Variants in MIS18A observed in about 807,000 individuals in gnomAD.
The protein encoded by MIS18A is protein Mis18-alpha.
A neutral mutation model predicts 25.0 loss-of-function variants in MIS18A; 14 were observed. The ratio of observed to expected loss-of-function variants is 0.56; its 90% CI spans 0.37 to 0.88. The LOEUF (loss-of-function observed/expected upper bound fraction) is 0.88, where lower values mean the gene tolerates loss of function less well. Ranked by LOEUF, MIS18A falls within the 40% of genes least tolerant of loss-of-function variation. The probability of loss-of-function intolerance (pLI) is 0.00; values close to 1 mark genes in which losing one functional copy is unlikely to be tolerated. For missense variants in MIS18A, 292 were observed against 290.8 expected (o/e 1.00, Z -0.03); for synonymous variants, 134 against 118.6 (o/e 1.13, Z -0.84).
chr21:32,180,055 G>T, the MIS18A span, among the ~76,000 whole-genome samples: 1,843 of 152,314 alleles, frequency 0.012, 105 homozygotes, highest in Admixed American at 0.088. Context: ...GTGTTTCAAA[G>T]AAACCCAGAA....
At chr21:32,205,413 C>T in the MIS18A span, among the ~76,000 whole-genome samples, 2 of 152,058 alleles carry the variant, frequency 1.3e-5, no homozygotes, top group Admixed American at 6.6e-5. Context: ...TCTCATTCTC[C>T]CTGCTCCCTC....
the MIS18A span, among the ~76,000 whole-genome samples, chr21:32,201,795 CAG>C: frequency 8.6e-5 from 13 of 151,988 alleles, no homozygotes; most frequent in African/African-American, 3.1e-4. Context: ...GCCTGGGTGA[CAG>C]AGCGAGACCC....
the MIS18A span, among the ~76,000 whole-genome samples, chr21:32,246,154 C>A: frequency 6.6e-6 from 1 of 152,074 alleles, no homozygotes; most frequent in African/African-American, 2.4e-5. Flanking sequence ...ATGAGAAATC[C>A]GCCCCATCAT....
At chr21:32,178,967 C>G in the MIS18A span, among the ~76,000 whole-genome samples, 3 of 152,100 alleles carry the variant, frequency 2.0e-5, no homozygotes, top group Non-Finnish European at 4.4e-5. Flanking sequence ...TGCTGTTTAA[C>G]CCAACCATTT....
the MIS18A span, among the ~76,000 whole-genome samples, chr21:32,215,534 C>T: frequency 1.3e-3 from 194 of 152,216 alleles, no homozygotes; most frequent in African/African-American, 4.2e-3. Flanking sequence ...AAGCCAGGGA[C>T]GGTCAGGATA....
At chr21:32,236,653 G>A in the MIS18A span, among the ~76,000 whole-genome samples, 1 of 152,120 alleles carries the variant, frequency 6.6e-6, no homozygotes, top group Non-Finnish European at 1.5e-5. Context: ...ACTTCAGCCA[G>A]CAGCAAGTGG....
At chr21:32,242,930 A>T in the MIS18A span, among the ~76,000 whole-genome samples, 1,677 of 152,346 alleles carry the variant, frequency 0.011, 25 homozygotes, top group African/African-American at 0.037. Context: ...TACTGGCAGA[A>T]CAAAAGAGAG....
the MIS18A span, among the ~76,000 whole-genome samples, chr21:32,159,575 A>C: frequency 2.0e-5 from 3 of 152,260 alleles, no homozygotes; most frequent in Admixed American, 2.0e-4. Context: ...TTGTGAGCCA[A>C]ATATGAATGA....
chr21:32,227,764 A>G, the MIS18A span, among the ~76,000 whole-genome samples: 1 of 152,218 alleles, frequency 6.6e-6, no homozygotes, highest in Non-Finnish European at 1.5e-5. Context: ...AAAATTACAT[A>G]CTAATATTTA....
At chr21:32,214,009 G>A in the MIS18A span, among the ~76,000 whole-genome samples, 1 of 152,150 alleles carries the variant, frequency 6.6e-6, no homozygotes, top group Non-Finnish European at 1.5e-5. Context: ...GGGGGTATGG[G>A]AGGAAACACT....
the MIS18A span, among the ~76,000 whole-genome samples, chr21:32,223,366 A>G: frequency 6.6e-6 from 1 of 152,190 alleles, no homozygotes; most frequent in Non-Finnish European, 1.5e-5. Context: ...GATTAACAAA[A>G]TAGATGGAAC....
the MIS18A span, among the ~76,000 whole-genome samples, chr21:32,190,493 C>T: frequency 6.6e-6 from 1 of 152,226 alleles, no homozygotes. Context: ...CAAAATTTCA[C>T]AGACCATTGC....
At chr21:32,252,838 T>A in the MIS18A span, among the ~76,000 whole-genome samples, 1 of 152,216 alleles carries the variant, frequency 6.6e-6, no homozygotes, top group Non-Finnish European at 1.5e-5. Context: ...CGATTTTGTT[T>A]AGGGATCCCA....
chr21:32,179,707 C>T, the MIS18A span, among the ~76,000 whole-genome samples: 12 of 152,154 alleles, frequency 7.9e-5, no homozygotes, highest in Non-Finnish European at 1.6e-4. Context: ...AAAGGAAATA[C>T]AAGCTTAAGG....
At chr21:32,158,517 C>A in the MIS18A span, among the ~76,000 whole-genome samples, 236 of 151,260 alleles carry the variant, frequency 1.6e-3, 4 homozygotes, top group Admixed American at 0.013. Flanking sequence ...TCCTGTTGCC[C>A]AGGCTGGCGT....
At chr21:32,182,172 G>A in the MIS18A span, among the ~76,000 whole-genome samples, 3 of 152,168 alleles carry the variant, frequency 2.0e-5, no homozygotes, top group Non-Finnish European at 4.4e-5. Flanking sequence ...AATTCTGATT[G>A]ATAGTGGTTG....
chr21:32,167,069 T>G, the MIS18A span, among the ~76,000 whole-genome samples: 1 of 152,118 alleles, frequency 6.6e-6, no homozygotes, highest in Non-Finnish European at 1.5e-5. Flanking sequence ...GAAAAAAAAT[T>G]TAAAGAAATT....
chr21:32,160,922 C>T, the MIS18A span, among the ~76,000 whole-genome samples: 16 of 152,150 alleles, frequency 1.1e-4, no homozygotes, highest in Non-Finnish European at 1.6e-4. Flanking sequence ...TGAGCCCCTG[C>T]GCCCGGCCAG....
At chr21:32,255,210 C>T in the MIS18A span, among the ~76,000 whole-genome samples, 863 of 151,456 alleles carry the variant, frequency 5.7e-3, 14 homozygotes, top group South Asian at 0.017. Context: ...AATTTTTCTA[C>T]GGTAAAAATA....
Sources: gnomAD v4.1 joint callset for allele counts (sites outside exome capture counted in the v4.1 genomes callset) on GRCh38, gnomAD v4.1.1 for gene constraint, MANE v1.5 for transcripts, NCBI Gene and HGNC (gene_info 2026-07-23, HGNC 2026-07-21) for gene names.